P4HA3: variants seen among roughly 807,000 people sequenced by gnomAD.
P4HA3 encodes the protein prolyl 4-hydroxylase subunit alpha-3.
In P4HA3, 60 loss-of-function variants were observed where a neutral mutation model predicts 66.7. The ratio of observed to expected loss-of-function variants is 0.90; its 90% CI spans 0.73 to 1.12. The LOEUF is 1.12. Ranked by LOEUF, P4HA3 falls within the 50% of genes most tolerant of loss-of-function variation. The probability of loss-of-function intolerance (pLI) is 0.00; values close to 1 mark genes in which losing one functional copy is unlikely to be tolerated. For synonymous variants in P4HA3, 263 were observed against 274.6 expected, an observed-to-expected ratio of 0.96 and a Z score of 0.42; for missense variants, 683 against 685.8, an observed-to-expected ratio of 1.00 and a Z score of 0.05.
chr11:74,307,160 C>T (rs142272560), intron 1 of P4HA3, among the ~76,000 whole-genome samples: 28 of 152,316 alleles, frequency 1.8e-4, no homozygotes, highest in Admixed American at 7.2e-4. Flanking sequence ...CCAACTATCA[C>T]TCAGTTTCCT....
chr11:74,257,215 C>G (rs1478833809), intron 15 of P4HA3, among the ~76,000 whole-genome samples: 2 of 152,176 alleles, frequency 1.3e-5, no homozygotes, highest in African/African-American at 4.8e-5. Context: ...ACCTCTGCCT[C>G]CCAGGTTCAA....
At chr11:74,251,169 C>A in intron 15 of P4HA3, 1 of 1,467,814 alleles carries the variant, frequency 6.8e-7, no homozygotes, top group South Asian at 1.4e-5. Context: ...TCCAACTTCT[C>A]CCTGGCAGCT....
intron 8 of P4HA3, 106 bp from the exon 9 acceptor site, chr11:74,277,250 G>A: frequency 7.4e-7 from 1 of 1,356,502 alleles, no homozygotes; most frequent in South Asian, 1.4e-5. Flanking sequence ...ATTGCCAGAA[G>A]GAAGGATGGA....
At chr11:74,303,914 T>C (rs947022558) in intron 2 of P4HA3, among the ~76,000 whole-genome samples, 1 of 152,046 alleles carries the variant, frequency 6.6e-6, no homozygotes, top group African/African-American at 2.4e-5. Context: ...CAAAGTAGAA[T>C]AAATTAGGAA....
In P4HA3 at chr11:74,251,204, A is replaced by G. The variant is rs1331723269; in HGVS notation, c.*1319-3203T>C. 6 of 1,437,260 alleles carry G rather than the reference A, an allele frequency of 4.2e-6. No individual in the cohort carries two copies. In the African/African-American group the frequency reaches 8.6e-5, roughly 21 times the overall value. 89.0% of individuals were successfully genotyped at this position (1,437,260 alleles called of 1,614,324 possible). A position where few individuals can be genotyped will look rare whatever the true frequency, so the allele number is the denominator to read the frequency against. ...TGCTTATGGTATTGGTTTTGTGTAT[A>G]TGTGCTGAGGAGCTACTGACACTCT... On this transcript the variant is annotated intron_variant and NMD_transcript_variant, in intron 15 of 15. Transcript: ENST00000524388.
chr11:74,286,488 G>A, intron 5 of P4HA3, 97 bp from the exon 6 acceptor site: 1 of 1,171,310 alleles, frequency 8.5e-7, no homozygotes, highest in Non-Finnish European at 1.2e-6. Context: ...CTGCTGCACA[G>A]GATGGGCAAG....
At chr11:74,254,276 A>AG (rs1437730861) in intron 15 of P4HA3, 4 of 152,942 alleles carry the variant, frequency 2.6e-5, no homozygotes. Context: ...ACAAAGCCAC[A>AG]GGCCAAAGCC....
chr11:74,310,367 A>G (rs1861698830), intron 1 of P4HA3, among the ~76,000 whole-genome samples: 1 of 152,198 alleles, frequency 6.6e-6, no homozygotes, highest in African/African-American at 2.4e-5. Context: ...CCCCAAAACT[A>G]TATTAGCTGA....
At chr11:74,253,568 A>G (rs929895686) in intron 15 of P4HA3, 49 of 1,545,226 alleles carry the variant, frequency 3.2e-5, no homozygotes, top group Non-Finnish European at 4.2e-5. Context: ...GTCGCACCAG[A>G]GGCCACTGTG....
chr11:74,299,124 T>C (rs1280462229), intron 3 of P4HA3, among the ~76,000 whole-genome samples: 1 of 152,190 alleles, frequency 6.6e-6, no homozygotes, highest in African/African-American at 2.4e-5. Flanking sequence ...ATAATGAAGG[T>C]AGACATGGGA....
chr11:74,289,835 G>C (rs915244049), intron 4 of P4HA3, among the ~76,000 whole-genome samples: 2 of 151,982 alleles, frequency 1.3e-5, no homozygotes, highest in Admixed American at 1.3e-4. Context: ...TATTAATCCA[G>C]TCTATCGTTG....
Position 74,302,532 on chromosome 11 carries a change from C to T in P4HA3, c.404G>A (p.Gly135Glu), listed in dbSNP as rs779435905. The part of the protein sequence containing the change: ...QDLPAFEDLE[G>E]AARALMRLQD... ...CAGCCGCATCAGGGCCCTTGCTGCT[C>T]CCTCAAGGTCCTCAAAGGCTGGAAG... Residue 135 changes from glycine to glutamate, a missense_variant, in exon 3 of 13, where the codon GGA becomes GAA. By Grantham distance (98) the Gly-to-Glu change is moderately conservative (BLOSUM62 -2). Transcript: ENST00000331597. 6 of 1,614,214 alleles carry T rather than the reference C, an allele frequency of 3.7e-6. No homozygotes were observed. Among genetic ancestry groups the T allele is most frequent in the Non-Finnish European group, 5.1e-6 (6 of 1,180,048 alleles).
intron 1 of P4HA3, among the ~76,000 whole-genome samples, chr11:74,311,197 A>C (rs1861731161): frequency 6.6e-6 from 1 of 152,102 alleles, no homozygotes; most frequent in Non-Finnish European, 1.5e-5. Context: ...AGGGTCCCAC[A>C]CAGGGTGACA....
Position 74,311,436 on chromosome 11 carries a change from T to G in P4HA3, c.176A>C (p.Glu59Ala). The G allele has an allele frequency of 6.5e-7, 1 of 1,533,870 alleles. No individual in the cohort carries two copies. The highest frequency in any genetic ancestry group is 8.7e-7 in the Non-Finnish European group (1 of 1,147,772). ...CCTAGTCAGGTCCCGCAGCCGCGCC[T>G]CCTCCCCGCGCAGGTACCGCCTCAG... Reference protein sequence around the residue: ...GLLRRYLRGEEARLRDLTRFY... With the variant: ...GLLRRYLRGEAARLRDLTRFY... Residue 59 changes from glutamate to alanine, a missense_variant, in exon 1 of 13, where the codon GAG becomes GCG. By Grantham distance (107) the Glu-to-Ala change is moderately radical. Coordinates refer to ENST00000331597, the MANE Select transcript of P4HA3 (RefSeq NM_182904.5).
At chr11:74,293,853 G>A (rs944396429) in intron 4 of P4HA3, among the ~76,000 whole-genome samples, 32 of 152,272 alleles carry the variant, frequency 2.1e-4, no homozygotes, top group African/African-American at 7.5e-4. Flanking sequence ...TGGGTAACCC[G>A]ACCTTTCTCT....
downstream of P4HA3, among the ~76,000 whole-genome samples, chr11:74,265,364 C>T (rs1859973863): frequency 1.3e-5 from 2 of 152,160 alleles, no homozygotes; most frequent in Admixed American, 1.3e-4. Context: ...TCTGAGGAAG[C>T]TGGGTATTAG....
intron 9 of P4HA3, among the ~76,000 whole-genome samples, chr11:74,274,732 T>C (rs973763784): frequency 2.0e-5 from 3 of 152,240 alleles, no homozygotes; most frequent in Non-Finnish European, 4.4e-5. Context: ...GGATCATAAG[T>C]AGGTGAATCT....
At chr11:74,294,790 G>A (rs1861158960) in intron 4 of P4HA3, among the ~76,000 whole-genome samples, 1 of 152,186 alleles carries the variant, frequency 6.6e-6, no homozygotes, top group Non-Finnish European at 1.5e-5. Flanking sequence ...GCTGCTGCCT[G>A]ATCGTTCCTC....
intron 5 of P4HA3, 31 bp downstream of exon 5, chr11:74,289,048 G>C (rs768092928): frequency 3.4e-6 from 5 of 1,482,538 alleles, no homozygotes; most frequent in Non-Finnish European, 4.5e-6. Context: ...AATCAGACCT[G>C]TGGCTGGCTT....
Sources: allele counts gnomAD v4.1 joint callset (sites outside exome capture counted in the v4.1 genomes callset), GRCh38; gene constraint gnomAD v4.1.1; transcripts MANE v1.5; gene names NCBI Gene and HGNC (gene_info 2026-07-23, HGNC 2026-07-21).